The following CDH10 variants were observed in gnomAD, a reference collection of about 807,000 sequenced individuals.
The protein encoded by CDH10 is cadherin 10.
In CDH10, 30 loss-of-function variants were observed where a neutral mutation model predicts 73.1. That is an observed-to-expected ratio of 0.41 (90% CI 0.31 to 0.56). The LOEUF (loss-of-function observed/expected upper bound fraction) is 0.56, where lower values mean the gene tolerates loss of function less well. Ranked by LOEUF, CDH10 falls within the 20% of genes least tolerant of loss-of-function variation. The pLI, the probability that CDH10 is intolerant of heterozygous loss-of-function variation, is 0.27. For synonymous variants in CDH10, 345 were observed against 348.2 expected (o/e 0.99, Z 0.10); for missense variants, 815 against 973.7 (o/e 0.84, Z 2.17).
intron 2 of CDH10, among the ~76,000 whole-genome samples, chr5:24,591,693 T>A (rs1428508500): frequency 2.6e-5 from 4 of 151,908 alleles, no homozygotes; most frequent in African/African-American, 9.7e-5. Flanking sequence ...TATTAAGATC[T>A]ACTCTAAGAG....
chr5:24,509,353 C>T (rs1742811715), intron 7 of CDH10, among the ~76,000 whole-genome samples: 1 of 148,546 alleles, frequency 6.7e-6, no homozygotes, highest in South Asian at 2.1e-4. Flanking sequence ...GATTCTCCTG[C>T]CTCAGCCTCC....
At chr5:24,590,989 T>C (rs1477508608) in intron 2 of CDH10, among the ~76,000 whole-genome samples, 1 of 152,102 alleles carries the variant, frequency 6.6e-6, no homozygotes, top group South Asian at 2.1e-4. Flanking sequence ...ATGACTGTGA[T>C]AAATTCCTTA....
At chr5:24,573,326 A>G (rs968126976) in intron 2 of CDH10, among the ~76,000 whole-genome samples, 1 of 152,114 alleles carries the variant, frequency 6.6e-6, no homozygotes, top group Non-Finnish European at 1.5e-5. Context: ...ATAAAAATAG[A>G]GTAAAAAGAT....
intron 8 of CDH10, among the ~76,000 whole-genome samples, chr5:24,502,112 AG>A (rs1742521410): frequency 1.3e-5 from 2 of 151,814 alleles, no homozygotes; most frequent in African/African-American, 4.8e-5. Flanking sequence ...TTAGTAGAGA[AG>A]GGGTTTCACG....
At chr5:24,504,705 T>C (rs191175752) in intron 8 of CDH10, among the ~76,000 whole-genome samples, 2,550 of 151,848 alleles carry the variant, frequency 0.017, 53 homozygotes, top group African/African-American at 0.051. Flanking sequence ...TTTTGTATTT[T>C]AGTAGAGACG....
chr5:24,628,624 T>C (rs1389979617), intron 1 of CDH10, among the ~76,000 whole-genome samples: 2 of 151,884 alleles, frequency 1.3e-5, no homozygotes, highest in African/African-American at 2.4e-5. Flanking sequence ...TTTGAACTTC[T>C]TTTAAGTGAA....
At chr5:24,542,105 T>G (rs1376533737) in intron 2 of CDH10, among the ~76,000 whole-genome samples, 1 of 152,158 alleles carries the variant, frequency 6.6e-6, no homozygotes, top group Non-Finnish European at 1.5e-5. Flanking sequence ...TAACATTTCT[T>G]GTAAAACATC....
chr5:24,505,414 A>G (rs1742667478), intron 7 of CDH10, among the ~76,000 whole-genome samples, 166 bp from the exon 8 acceptor site: 1 of 152,228 alleles, frequency 6.6e-6, no homozygotes, highest in Admixed American at 6.5e-5. Flanking sequence ...GCACACACAC[A>G]TTCTCCTCAA....
chr5:24,593,652 ACATTAT>A lies in CDH10; in HGVS notation c.-123-45_-123-40del, dbSNP rs1315001207. The A allele has an allele frequency of 1.1e-5, 6 of 565,590 alleles. No homozygotes were observed. In the African/African-American group the frequency reaches 1.1e-4, roughly 11 times the overall value. 35.0% of individuals were successfully genotyped at this position (565,590 alleles called of 1,614,324 possible). A position where few individuals can be genotyped will look rare whatever the true frequency, so the allele number is the denominator to read the frequency against. ...AACAAACAAAAAAAGTTAGTTGACA[ACATTAT>A]CATTATTACTTTTCATTTAAAATTT... On this transcript the variant is annotated intron_variant, in intron 1 of 11. Coordinates refer to ENST00000264463, the MANE Select transcript of CDH10 (RefSeq NM_006727.5).
At chr5:24,582,331 GA>G (rs1745832223) in intron 2 of CDH10, among the ~76,000 whole-genome samples, 1 of 152,278 alleles carries the variant, frequency 6.6e-6, no homozygotes, top group East Asian at 1.9e-4. Context: ...AAAGACAAAA[GA>G]TTATCTGAAC....
chr5:24,640,089 G>A (rs537231629), intron 1 of CDH10, among the ~76,000 whole-genome samples: 14 of 151,940 alleles, frequency 9.2e-5, no homozygotes, highest in African/African-American at 3.4e-4. Flanking sequence ...GCAAAGGATA[G>A]TGTAATAAAT....
chr5:24,576,735 A>C (rs1194221024), intron 2 of CDH10, among the ~76,000 whole-genome samples: 2 of 152,068 alleles, frequency 1.3e-5, no homozygotes, highest in Non-Finnish European at 2.9e-5. Flanking sequence ...AATTTCAGGT[A>C]ATTTTGTAAA....
intron 1 of CDH10, among the ~76,000 whole-genome samples, chr5:24,605,341 A>G (rs1240423424): frequency 6.6e-6 from 1 of 152,166 alleles, no homozygotes; most frequent in Non-Finnish European, 1.5e-5. Context: ...CTCCTGTCAG[A>G]TCCAATCAGC....
In CDH10 at chr5:24,572,935, G is replaced by GAAAAAAAA. The variant is rs55946839; in HGVS notation, c.231+20317_231+20324dup. Among the ~76,000 whole-genome samples, 71 of 72,082 alleles carry GAAAAAAAA rather than the reference G, an allele frequency of 9.8e-4. 1 individual carries two copies. Among genetic ancestry groups the GAAAAAAAA allele is most frequent in the Non-Finnish European group, 1.5e-3 (58 of 39,628 alleles). 47.3% of individuals were successfully genotyped at this position (72,082 alleles called of 152,430 possible). A position where few individuals can be genotyped will look rare whatever the true frequency, so the allele number is the denominator to read the frequency against. Reference sequence around the variant, plus strand: ...ATCTGTATAATTGTACTTAGAAAAAGAAAAAAAAAAAAAAAAAAAAAGGAG... The same window carrying GAAAAAAAA: ...ATCTGTATAATTGTACTTAGAAAAAGAAAAAAAAAAAAAAAAAAAAAAAAAAAAAGGAG... On this transcript the variant is annotated intron_variant, in intron 2 of 11. Coordinates refer to ENST00000264463, the MANE Select transcript of CDH10 (RefSeq NM_006727.5).
intron 2 of CDH10, among the ~76,000 whole-genome samples, chr5:24,555,361 C>T (rs962558961): frequency 6.6e-6 from 1 of 152,150 alleles, no homozygotes; most frequent in African/African-American, 2.4e-5. Flanking sequence ...ATAGGACTGT[C>T]AAGCAGTTCC....
At chr5:24,535,577 G>T in intron 4 of CDH10, 126 bp downstream of exon 4, 1 of 825,948 alleles carries the variant, frequency 1.2e-6, no homozygotes, top group Non-Finnish European at 1.9e-6. Flanking sequence ...ATATCTTTAA[G>T]TGTTGTGTCT....
chr5:24,536,474 TA>T (rs541566094), intron 3 of CDH10, among the ~76,000 whole-genome samples: 2 of 151,882 alleles, frequency 1.3e-5, no homozygotes, highest in African/African-American at 4.8e-5. Context: ...CTGTTACAAG[TA>T]AAAAAAAGCT....
At chr5:24,490,028 T>C (rs1167605289) in intron 11 of CDH10, among the ~76,000 whole-genome samples, 2 of 152,124 alleles carry the variant, frequency 1.3e-5, no homozygotes, top group Non-Finnish European at 2.9e-5. Flanking sequence ...ACACCATACA[T>C]GCCAGACATT....
intron 5 of CDH10, among the ~76,000 whole-genome samples, chr5:24,519,145 C>T (rs958920199): frequency 3.9e-5 from 6 of 151,998 alleles, no homozygotes; most frequent in Admixed American, 3.9e-4. Context: ...CCTGCCTCAG[C>T]CTCCCAAAAT....
Sources: gnomAD v4.1 joint callset for allele counts (sites outside exome capture counted in the v4.1 genomes callset) on GRCh38, gnomAD v4.1.1 for gene constraint, MANE v1.5 for transcripts, NCBI Gene and HGNC (gene_info 2026-07-23, HGNC 2026-07-21) for gene names.